Variants in GALNT16 observed in about 807,000 individuals in gnomAD.
GALNT16 encodes the protein UDP-GalNAc:polypeptide N-acetylgalactosaminyltransferase-like protein 1.
A neutral mutation model predicts 76.1 loss-of-function variants in GALNT16; 40 were observed. That is an observed-to-expected ratio of 0.53 (90% CI 0.41 to 0.68). GALNT16 has a LOEUF of 0.68. Ranked by LOEUF, GALNT16 falls within the 30% of genes least tolerant of loss-of-function variation. GALNT16 has a pLI of 0.00. For synonymous variants in GALNT16, 276 were observed against 285.2 expected (o/e 0.97, Z 0.32); for missense variants, 621 against 731.9 (o/e 0.85, Z 1.75).
downstream of GALNT16, among the ~76,000 whole-genome samples, chr14:69,360,614 A>G (rs2045718307): frequency 8.7e-6 from 1 of 114,356 alleles, no homozygotes; most frequent in African/African-American, 3.0e-5. Flanking sequence ...TAAAAAAAAA[A>G]GAAGAAGAAG....
At chr14:69,263,441 T>C (rs781640548) in intron 1 of GALNT16, among the ~76,000 whole-genome samples, 17 of 152,198 alleles carry the variant, frequency 1.1e-4, no homozygotes, top group African/African-American at 4.1e-4. Flanking sequence ...CTCTGTCTAG[T>C]TGGGCCAGGA....
rs531701563 is a variant in GALNT16 at position 69,353,152 on chromosome 14, A to G, written c.*984A>G. ...GTCATTTTTGACTCCTGCTTTCTCA[A>G]AGGTTTTTGCCTCTGTCAATACAGC... On this transcript the variant is annotated 3_prime_UTR_variant, in exon 15 of 15. Coordinates refer to ENST00000448469, the MANE Select transcript of GALNT16 (RefSeq NM_001168368.2). Among the ~76,000 whole-genome samples, 3 of 152,184 alleles carry G rather than the reference A, an allele frequency of 2.0e-5. No homozygotes were observed. Among genetic ancestry groups the G allele is most frequent in the Non-Finnish European group, 2.9e-5 (2 of 67,992 alleles).
chr14:69,267,901 C>T (rs1233868241), intron 1 of GALNT16, among the ~76,000 whole-genome samples: 2 of 152,188 alleles, frequency 1.3e-5, no homozygotes, highest in Non-Finnish European at 2.9e-5. Context: ...AGGTGGCCTT[C>T]AGCCAGGGCT....
Position 69,339,596 on chromosome 14 carries a change from G to T in GALNT16, c.1164G>T (p.Ser388=). 1 of 1,608,166 alleles carries T rather than the reference G, an allele frequency of 6.2e-7. No individual in the cohort carries two copies. The highest frequency in any genetic ancestry group is 8.5e-7 in the Non-Finnish European group (1 of 1,176,406). Residue 388 remains serine, a synonymous_variant, in exon 11 of 15, where the codon TCG becomes TCT. Transcript: ENST00000448469. ...YKQYYYEARP[S]AIGKAFGSVA... is the part of the protein sequence containing the mutation. ...AATACTACTATGAGGCCCGGCCCTC[G>T]GCCATCGGGAAGGCCTTCGGCAGGT...
intron 1 of GALNT16, among the ~76,000 whole-genome samples, chr14:69,276,492 C>G (rs890350110): frequency 5.3e-5 from 8 of 152,054 alleles, no homozygotes; most frequent in African/African-American, 1.9e-4. Flanking sequence ...ACCATCCTGG[C>G]CAACATGGTG....
intron 1 of GALNT16, among the ~76,000 whole-genome samples, chr14:69,278,139 G>C (rs2044497894): frequency 1.3e-5 from 2 of 151,778 alleles, no homozygotes; most frequent in South Asian, 4.2e-4. Context: ...TCAGCCTGTA[G>C]CTAGGACTAC....
At position 69,341,132 on chromosome 14, in the gene GALNT16, C is replaced by T. The variant is rs368117334; in HGVS notation, c.1188-549C>T. Among the ~76,000 whole-genome samples the T allele has an allele frequency of 2.1e-4, 32 of 152,222 alleles. No individual in the cohort carries two copies. In the South Asian group the frequency reaches 5.4e-3, roughly 26 times the overall value. On this transcript the variant is annotated intron_variant, in intron 11 of 14. Transcript: ENST00000448469. ...ACAAAAGCCTTCTGAGATGAGTGGTCGTGTCCCCAGTTGAATGTAGAGGAA... is the reference window on the plus strand; with the variant it reads ...ACAAAAGCCTTCTGAGATGAGTGGTTGTGTCCCCAGTTGAATGTAGAGGAA...
chr14:69,376,430 T>A, the GALNT16 span, among the ~76,000 whole-genome samples: 1 of 152,152 alleles, frequency 6.6e-6, no homozygotes, highest in Non-Finnish European at 1.5e-5. Flanking sequence ...AGATAGTAAT[T>A]CATTTTACTC....
intron 1 of GALNT16, among the ~76,000 whole-genome samples, chr14:69,284,201 C>T (rs2044579884): frequency 6.6e-6 from 1 of 152,212 alleles, no homozygotes; most frequent in South Asian, 2.1e-4. Context: ...GATGCCTGCT[C>T]TTCAGGCACA....
At chr14:69,346,088 C>A (rs1368998151) in intron 12 of GALNT16, among the ~76,000 whole-genome samples, 1 of 151,456 alleles carries the variant, frequency 6.6e-6, no homozygotes, top group Non-Finnish European at 1.5e-5. Flanking sequence ...GAGATGGGGT[C>A]TTTCTGTGTT....
chr14:69,366,893 C>T, the GALNT16 span, among the ~76,000 whole-genome samples: 15 of 152,226 alleles, frequency 9.9e-5, no homozygotes, highest in Admixed American at 7.2e-4. Context: ...ATCACACCAA[C>T]AGTCCCACAC....
intron 1 of GALNT16, among the ~76,000 whole-genome samples, chr14:69,283,764 C>T (rs1229234589): frequency 6.6e-6 from 1 of 152,226 alleles, no homozygotes; most frequent in Non-Finnish European, 1.5e-5. Context: ...TGGTGCCCAA[C>T]ACTTAGTAAG....
chr14:69,311,221 T>C (rs190613655), intron 1 of GALNT16, among the ~76,000 whole-genome samples: 1 of 152,316 alleles, frequency 6.6e-6, no homozygotes, highest in Admixed American at 6.5e-5. Context: ...GTTTCCAAGA[T>C]GGTACCTTGT....
chr14:69,350,424 C>T (rs1334024583), intron 14 of GALNT16: 1 of 152,276 alleles, frequency 6.6e-6, no homozygotes, highest in African/African-American at 2.4e-5. Context: ...GCCATACTCT[C>T]TCCAGCTGGG....
chr14:69,323,019 A>G (rs2045225947), intron 2 of GALNT16, among the ~76,000 whole-genome samples: 1 of 138,962 alleles, frequency 7.2e-6, no homozygotes. Context: ...CGTGTAGGGA[A>G]GCAAAGGACG....
At chr14:69,305,196 T>G in intron 1 of GALNT16, among the ~76,000 whole-genome samples, 1 of 146,292 alleles carries the variant, frequency 6.8e-6, no homozygotes. Context: ...TGAGAGAGAG[T>G]CTCACTCTAT....
At chr14:69,278,789 CATTG>C (rs2044504883) in intron 1 of GALNT16, among the ~76,000 whole-genome samples, 1 of 152,180 alleles carries the variant, frequency 6.6e-6, no homozygotes, top group African/African-American at 2.4e-5. Context: ...TTGCACATAG[CATTG>C]ATTAATTCCT....
In GALNT16 at chr14:69,343,465, C is replaced by T. The variant is rs573000878; in HGVS notation, c.1271+1701C>T. Among the ~76,000 whole-genome samples the T allele has an allele frequency of 1.6e-4, 25 of 152,320 alleles. No individual in the cohort carries two copies. In the South Asian group the frequency reaches 2.5e-3, roughly 15 times the overall value. On this transcript the variant is annotated intron_variant, in intron 12 of 14. Coordinates refer to ENST00000448469, the MANE Select transcript of GALNT16 (RefSeq NM_001168368.2). Reference sequence around the variant, plus strand: ...CCAAGAAGTTCCAGAACAATGTGAGCACTGGCAGTGTCACTGGAAGAAAGT... The same window carrying T: ...CCAAGAAGTTCCAGAACAATGTGAGTACTGGCAGTGTCACTGGAAGAAAGT...
At chr14:69,326,996 T>C (rs1409637928) in intron 5 of GALNT16, among the ~76,000 whole-genome samples, 1 of 152,134 alleles carries the variant, frequency 6.6e-6, no homozygotes, top group Non-Finnish European at 1.5e-5. Flanking sequence ...ATAGAAGACC[T>C]TGGAAGCCAG....
Sources: allele counts gnomAD v4.1 joint callset (sites outside exome capture counted in the v4.1 genomes callset), GRCh38; gene constraint gnomAD v4.1.1; transcripts MANE v1.5; gene names NCBI Gene and HGNC (gene_info 2026-07-23, HGNC 2026-07-21).